SLA2: variants seen among roughly 807,000 people sequenced by gnomAD.
The protein encoded by SLA2 is src-like-adapter 2.
SLA2 carries 22 observed loss-of-function variants against 27.3 expected under a neutral mutation model. The observed-to-expected ratio is 0.81, with a 90% confidence interval of 0.58 to 1.15. The LOEUF is 1.15. SLA2 is among the 50% of genes most tolerant of loss of function. The pLI, the probability that SLA2 is intolerant of heterozygous loss-of-function variation, is 0.00. For missense variants in SLA2, 304 were observed against 322.2 expected (o/e 0.94, Z 0.43); for synonymous variants, 131 against 137.8 (o/e 0.95, Z 0.34).
rs758231189 is a variant in SLA2 at position 36,634,595 on chromosome 20, T to C, written c.92-6A>G. ...GGCTGTGGCCTTGCTTCTCTCTAGA[T>C]GGAGGGACAGAAATAGTCACCTACT... On this transcript the variant is annotated splice_polypyrimidine_tract_variant and splice_region_variant and intron_variant, in intron 2 of 7. Coordinates refer to ENST00000262866, the MANE Select transcript of SLA2 (RefSeq NM_032214.4). The C allele has an allele frequency of 7.6e-6, 12 of 1,587,034 alleles. No homozygotes were observed. Among genetic ancestry groups the C allele is most frequent in the Middle Eastern group, 1.7e-4 (1 of 6,006 alleles).
intron 4 of SLA2, among the ~76,000 whole-genome samples, chr20:36,633,075 T>C (rs2039408346): frequency 6.6e-6 from 1 of 152,104 alleles, no homozygotes; most frequent in South Asian, 2.1e-4. Context: ...CCCTCTGTTT[T>C]TTTCTTTTTT....
intron 5 of SLA2, among the ~76,000 whole-genome samples, chr20:36,617,648 G>A (rs995477175): frequency 6.6e-6 from 1 of 151,900 alleles, no homozygotes; most frequent in Middle Eastern, 3.2e-3. Context: ...ACAAGGTCAG[G>A]AGATCAAGAC....
chr20:36,614,603 A>G (rs571747979), intron 6 of SLA2, 166 bp from the exon 7 acceptor site: 2 of 985,420 alleles, frequency 2.0e-6, no homozygotes, highest in African/African-American at 3.5e-5. Context: ...ATGTAGTCAA[A>G]GGTCTTTCTG....
intron 5 of SLA2, among the ~76,000 whole-genome samples, chr20:36,617,513 G>A (rs529595023): frequency 1.6e-5 from 2 of 128,534 alleles, no homozygotes; most frequent in East Asian, 4.8e-4. Flanking sequence ...CAGTCTGGAT[G>A]ACAGAGTGAG....
chr20:36,639,278 A>G (rs1400307701), intron 2 of SLA2, among the ~76,000 whole-genome samples: 1 of 152,206 alleles, frequency 6.6e-6, no homozygotes, highest in African/African-American at 2.4e-5. Flanking sequence ...TTCTGCCTCC[A>G]GACTGTGGTC....
Position 36,641,377 on chromosome 20 carries a change from A to G in SLA2, c.-42T>C, listed in dbSNP as rs1229323864. 1 of 1,560,280 alleles carries G rather than the reference A, an allele frequency of 6.4e-7. No individual in the cohort carries two copies. The highest frequency in any genetic ancestry group is 1.4e-5 in the African/African-American group (1 of 73,888). On this transcript the variant is annotated splice_region_variant and 5_prime_UTR_variant, in exon 2 of 8. Coordinates refer to ENST00000262866, the MANE Select transcript of SLA2 (RefSeq NM_032214.4). ...ACTCAGAAGCACATCATCGAGGGAAATCTGAAAGAGACACAGTGATGGGGA... is the reference window on the plus strand; with the variant it reads ...ACTCAGAAGCACATCATCGAGGGAAGTCTGAAAGAGACACAGTGATGGGGA...
In SLA2 at chr20:36,641,275, G is replaced by C; in HGVS notation, c.61C>G (p.Gln21Glu). Reference protein sequence around the residue: ...LPSPSLSSSVQGQGPVTMEAE... With the variant: ...LPSPSLSSSVEGQGPVTMEAE... ...TCCATGGTCACAGGTCCCTGGCCTT[G>C]GACAGAGGAACTCAAGCTTGGGCTT... is the stretch of plus-strand genomic sequence containing the variant. The change falls in exon 2 of 8, where the codon CAA becomes GAA. Residue 21 changes from glutamine (Q) to glutamate (E), a missense_variant. Physicochemically the swap from Gln to Glu is conservative, Grantham distance 29. Coordinates refer to ENST00000262866, the MANE Select transcript of SLA2 (RefSeq NM_032214.4). 1 of 1,614,064 alleles carries C rather than the reference G, an allele frequency of 6.2e-7. No homozygotes were observed. The highest frequency in any genetic ancestry group is 8.5e-7 in the Non-Finnish European group (1 of 1,179,958).
chr20:36,635,442 G>A (rs1475932457), intron 2 of SLA2, among the ~76,000 whole-genome samples: 1 of 151,380 alleles, frequency 6.6e-6, no homozygotes, highest in Non-Finnish European at 1.5e-5. Flanking sequence ...CCCAGGAAGT[G>A]GGGCAGGGGA....
intron 5 of SLA2, among the ~76,000 whole-genome samples, chr20:36,628,127 C>G (rs576077977): frequency 1.3e-5 from 2 of 152,134 alleles, no homozygotes; most frequent in South Asian, 4.1e-4. Context: ...CCTCTGCCCC[C>G]AAAAGTCTGA....
chr20:36,642,147 G>A, intron 1 of SLA2, among the ~76,000 whole-genome samples: 1 of 69,086 alleles, frequency 1.4e-5, no homozygotes, highest in Non-Finnish European at 2.9e-5. Flanking sequence ...CAGCCTGGGT[G>A]ACAGAGGGAG....
At position 36,616,401 on chromosome 20, in the gene SLA2, GC is replaced by G. The variant is rs574548329; in HGVS notation, c.383-1028del. On this transcript the variant is annotated intron_variant, in intron 5 of 7. Coordinates refer to ENST00000262866, the MANE Select transcript of SLA2 (RefSeq NM_032214.4). The stretch of plus-strand genomic sequence containing the variant: ...GCTGGAGTGCAGTGGTGCAATCTCG[GC>G]TCACTGCAACCTCCGCCTCCTGGGT... Among the ~76,000 whole-genome samples the G allele has an allele frequency of 3.1e-3, 471 of 149,914 alleles. 2 individuals are homozygous for G. Among genetic ancestry groups the G allele is most frequent in the African/African-American group, 0.011 (452 of 40,600 alleles).
chr20:36,636,773 C>T (rs1600831291), intron 2 of SLA2, among the ~76,000 whole-genome samples: 1 of 151,282 alleles, frequency 6.6e-6, no homozygotes, highest in African/African-American at 2.4e-5. Flanking sequence ...CATGGTGAAA[C>T]CCCGTCTCTA....
At chr20:36,626,374 G>A (rs1167850801) in intron 5 of SLA2, among the ~76,000 whole-genome samples, 1 of 149,436 alleles carries the variant, frequency 6.7e-6, no homozygotes, top group Non-Finnish European at 1.5e-5. Context: ...CCCAATGACA[G>A]AACGAGACTC....
intron 2 of SLA2, among the ~76,000 whole-genome samples, chr20:36,640,073 C>G (rs1019939491): frequency 7.9e-5 from 12 of 151,832 alleles, no homozygotes; most frequent in African/African-American, 2.9e-4. Flanking sequence ...TTTGGGAGGC[C>G]AAGGCGGGAG....
At chr20:36,634,733 C>T (rs2039427444) in intron 2 of SLA2, 144 bp from the exon 3 acceptor site, 1 of 514,896 alleles carries the variant, frequency 1.9e-6, no homozygotes, top group Non-Finnish European at 3.5e-6. Context: ...CTAAGAGGGC[C>T]ACCCTGGAAT....
chr20:36,632,717 G>T lies in SLA2; in HGVS notation c.279-19C>A. 1 of 1,602,394 alleles carries T rather than the reference G, an allele frequency of 6.2e-7. No individual in the cohort carries two copies. Among genetic ancestry groups the T allele is most frequent in the East Asian group, 2.2e-5 (1 of 44,696 alleles). On this transcript the variant is annotated intron_variant, in intron 4 of 7. Coordinates refer to ENST00000262866, the MANE Select transcript of SLA2 (RefSeq NM_032214.4). ...CAGCCACCTGGCGGAGCGAAAGAGA[G>T]GGACAAGGGACAGGGTCAGCCTGGA...
At chr20:36,635,894 ACTGAAATGTCCCTT>A (rs1260512186) in intron 2 of SLA2, among the ~76,000 whole-genome samples, 1 of 152,030 alleles carries the variant, frequency 6.6e-6, no homozygotes, top group Non-Finnish European at 1.5e-5. Flanking sequence ...TCATTTCCCA[ACTGAAATGTCCCTT>A]CTTTCAGGAA....
intron 1 of SLA2, among the ~76,000 whole-genome samples, chr20:36,642,393 G>C (rs186575067): frequency 1.1e-3 from 164 of 150,804 alleles, no homozygotes; most frequent in African/African-American, 3.9e-3. Context: ...CTGAATGTCA[G>C]TTCATCAGCG....
intron 3 of SLA2, 70 bp downstream of exon 3, chr20:36,634,420 G>C: frequency 8.5e-7 from 1 of 1,182,776 alleles, no homozygotes. Context: ...GACAGCTAGC[G>C]CTACAGGCAC....
Sources: allele counts gnomAD v4.1 joint callset (sites outside exome capture counted in the v4.1 genomes callset), GRCh38; gene constraint gnomAD v4.1.1; transcripts MANE v1.5; gene names NCBI Gene and HGNC (gene_info 2026-07-23, HGNC 2026-07-21).